CDC73: variants seen among roughly 807,000 people sequenced by gnomAD.
The protein encoded by CDC73 is parafibromin.
A neutral mutation model predicts 83.7 loss-of-function variants in CDC73; 21 were observed. The ratio of observed to expected loss-of-function variants is 0.25; its 90% CI spans 0.18 to 0.36. The LOEUF is 0.36. Ranked by LOEUF, CDC73 falls within the 10% of genes least tolerant of loss-of-function variation. The pLI, the probability that CDC73 is intolerant of heterozygous loss-of-function variation, is 1.00. For missense variants in CDC73, 342 were observed against 653.3 expected (o/e 0.52, Z 5.19); for synonymous variants, 224 against 212.9 (o/e 1.05, Z -0.45).
At chr1:193,158,910 G>A (rs1277971888) in intron 10 of CDC73, among the ~76,000 whole-genome samples, 2 of 151,694 alleles carry the variant, frequency 1.3e-5, no homozygotes, top group African/African-American at 4.8e-5. Flanking sequence ...AACATATTAT[G>A]TGTTACGGAA....
In CDC73 at chr1:193,122,343, A is replaced by G. The variant is rs769398011; in HGVS notation, c.131+12A>G. ...TATGTTGTTTGGGGGTAAGTCCGGC[A>G]TGGCTGTGGCCCAGGGGTGGCAGGG... On this transcript the variant is annotated intron_variant, in intron 1 of 16. Transcript: ENST00000367435. The G allele has an allele frequency of 6.2e-7, 1 of 1,613,966 alleles. No individual in the cohort carries two copies. The highest frequency in any genetic ancestry group is 8.5e-7 in the Non-Finnish European group (1 of 1,179,890).
At chr1:193,125,308 G>T (rs1675545993) in intron 2 of CDC73, 91 bp downstream of exon 2, 1 of 791,304 alleles carries the variant, frequency 1.3e-6, no homozygotes, top group Admixed American at 1.9e-5. Context: ...GCCCGGGCTA[G>T]GGTGCAGTGG....
chr1:193,150,923 C>T (rs1437222844), intron 9 of CDC73, among the ~76,000 whole-genome samples: 2 of 152,134 alleles, frequency 1.3e-5, no homozygotes, highest in African/African-American at 4.8e-5. Context: ...GTTATTCATA[C>T]TGCTTTTGTT....
chr1:193,201,939 A>G (rs1375628305), intron 10 of CDC73, among the ~76,000 whole-genome samples: 1 of 152,116 alleles, frequency 6.6e-6, no homozygotes, highest in Non-Finnish European at 1.5e-5. Flanking sequence ...TCCAAAAAAA[A>G]AGAAGGGCTT....
chr1:193,253,189 T>C lies in CDC73; in HGVS notation c.*2477T>C, dbSNP rs1421440694. 4.3e-6 allele frequency: 1 copy of C among 232,384 alleles called. No homozygotes were observed. The highest frequency in any genetic ancestry group is 2.2e-5 in the African/African-American group (1 of 45,318). 14.4% of individuals were successfully genotyped at this position (232,384 alleles called of 1,614,324 possible). On this transcript the variant is annotated 3_prime_UTR_variant, in exon 17 of 17. Coordinates refer to ENST00000367435, the MANE Select transcript of CDC73 (RefSeq NM_024529.5). The stretch of plus-strand genomic sequence containing the variant: ...ACCCTGACTGCATTTTAGAATCATT[T>C]GGAGAGTTTTTAAAAATATCCATGC...
chr1:193,244,080 A>G (rs1038159705), intron 15 of CDC73, among the ~76,000 whole-genome samples: 1 of 152,264 alleles, frequency 6.6e-6, no homozygotes, highest in African/African-American at 2.4e-5. Flanking sequence ...AAAAAGCTTA[A>G]CATTTGTACA....
rs937016813 is a variant in CDC73, at chr1:193,140,577, A to G, written c.513-1273A>G. ...TTTGGGGCCATTGTTAGGTAAAATA[A>G]GGGCTACTTGAACATAAGTACTTTA... On this transcript the variant is annotated intron_variant, in intron 6 of 16. Transcript: ENST00000367435. Among the ~76,000 whole-genome samples the G allele has an allele frequency of 4.6e-5, 7 of 152,186 alleles. 1 individual carries two copies. Among genetic ancestry groups the G allele is most frequent in the African/African-American group, 1.7e-4 (7 of 41,450 alleles).
In CDC73 at chr1:193,232,453, CACAT is replaced by C. The variant is rs1333591720; in HGVS notation, c.1155-536_1155-533del. 9.2e-5 allele frequency among the ~76,000 whole-genome samples: 14 copies of C among 152,032 alleles called. 1 individual carries two copies. In the South Asian group the frequency reaches 2.5e-3, roughly 27 times the overall value. ...AATATAAATTGTGTGGTGTTACACA[CACAT>C]ACACACACACACACACACCCAACTT... is the stretch of plus-strand genomic sequence containing the variant. On this transcript the variant is annotated intron_variant, in intron 13 of 16. Transcript: ENST00000367435.
intron 10 of CDC73, among the ~76,000 whole-genome samples, chr1:193,163,294 C>T (rs575766961): frequency 6.9e-4 from 104 of 151,700 alleles, no homozygotes; most frequent in African/African-American, 2.2e-3. Flanking sequence ...TTCCTTGAGC[C>T]CAGAAGTTCG....
In CDC73 at chr1:193,252,925, T is replaced by C; in HGVS notation, c.*2213T>C. 4.3e-6 allele frequency: 1 copy of C among 231,662 alleles called. No individual in the cohort carries two copies. The highest frequency in any genetic ancestry group is 8.5e-6 in the Non-Finnish European group (1 of 117,026). The allele number at this position is 231,662 out of a possible 1,614,324, so 14.4% of individuals were successfully genotyped here. On this transcript the variant is annotated 3_prime_UTR_variant, in exon 17 of 17. Transcript: ENST00000367435. ...TTATAAAAGTGTAGTTCGACTCTTC[T>C]TGGTCTTGGAGTTTGAGAGTACAGA...
chr1:193,236,406 T>G (rs1398161178), intron 15 of CDC73, 50 bp downstream of exon 15: 4 of 1,170,364 alleles, frequency 3.4e-6, no homozygotes, highest in East Asian at 2.3e-5. Context: ...TGTTCTCACT[T>G]TATTTAAGAG....
intron 13 of CDC73, among the ~76,000 whole-genome samples, chr1:193,213,724 G>A (rs1008502046): frequency 1.3e-5 from 2 of 152,122 alleles, no homozygotes; most frequent in African/African-American, 4.8e-5. Flanking sequence ...TAGGAATTTG[G>A]ACTGTTGCTC....
intron 11 of CDC73, among the ~76,000 whole-genome samples, chr1:193,210,716 C>A (rs1178071971): frequency 6.6e-6 from 1 of 151,940 alleles, no homozygotes; most frequent in African/African-American, 2.4e-5. Context: ...ATTGCGAGAC[C>A]CTGTTTTTGT....
chr1:193,176,886 G>A (rs1676612329), intron 10 of CDC73, among the ~76,000 whole-genome samples: 1 of 152,160 alleles, frequency 6.6e-6, no homozygotes, highest in African/African-American at 2.4e-5. Context: ...ATTTCTAAGT[G>A]CCACCTGCCT....
intron 10 of CDC73, among the ~76,000 whole-genome samples, chr1:193,190,637 A>G (rs1429031624): frequency 6.6e-6 from 1 of 152,200 alleles, no homozygotes; most frequent in Non-Finnish European, 1.5e-5. Context: ...TTTTGACTTG[A>G]AAACAAAGCT....
intron 10 of CDC73, among the ~76,000 whole-genome samples, chr1:193,167,013 A>G (rs1410104099): frequency 6.6e-6 from 1 of 152,224 alleles, no homozygotes; most frequent in Non-Finnish European, 1.5e-5. Context: ...AATTGATTGC[A>G]AATTCATCAA....
At chr1:193,195,108 G>T (rs1359336566) in intron 10 of CDC73, among the ~76,000 whole-genome samples, 1 of 152,098 alleles carries the variant, frequency 6.6e-6, no homozygotes, top group Non-Finnish European at 1.5e-5. Context: ...AGCTGAGAGT[G>T]CATTCTCTTC....
At chr1:193,229,916 A>C (rs1018908342) in intron 13 of CDC73, among the ~76,000 whole-genome samples, 1 of 152,164 alleles carries the variant, frequency 6.6e-6, no homozygotes, top group Non-Finnish European at 1.5e-5. Flanking sequence ...ATTTGACTGA[A>C]AGGTATATAA....
intron 2 of CDC73, among the ~76,000 whole-genome samples, chr1:193,129,544 T>C (rs1271425136): frequency 1.5e-5 from 2 of 134,628 alleles, no homozygotes; most frequent in East Asian, 4.0e-4. Flanking sequence ...TCTCTCTATG[T>C]TGCCCAGGCC....
Sources: gnomAD v4.1 joint callset for allele counts (sites outside exome capture counted in the v4.1 genomes callset) on GRCh38, gnomAD v4.1.1 for gene constraint, MANE v1.5 for transcripts, NCBI Gene and HGNC (gene_info 2026-07-23, HGNC 2026-07-21) for gene names.